Variants in EXOC6B observed in about 807,000 individuals in gnomAD.
The protein encoded by EXOC6B is SEC15 homolog B.
EXOC6B carries 54 observed loss-of-function variants against 113.5 expected under a neutral mutation model. That is an observed-to-expected ratio of 0.48 (90% CI 0.38 to 0.60). EXOC6B has a LOEUF of 0.60. EXOC6B is among the 20% of genes least tolerant of loss of function. The pLI is 0.00. For synonymous variants in EXOC6B, 357 were observed against 339.0 expected, an observed-to-expected ratio of 1.05 and a Z score of -0.58; for missense variants, 797 against 977.5, an observed-to-expected ratio of 0.82 and a Z score of 2.46.
At chr2:72,734,425 C>A (rs888323614) in intron 2 of EXOC6B, among the ~76,000 whole-genome samples, 3 of 152,168 alleles carry the variant, frequency 2.0e-5, no homozygotes, top group Non-Finnish European at 4.4e-5. Context: ...AAATGCACAT[C>A]TAAGACAATG....
intron 21 of EXOC6B, chr2:72,182,746 T>G: frequency 4.2e-6 from 2 of 478,000 alleles, no homozygotes; most frequent in Non-Finnish European, 6.7e-6. Context: ...GCCAGCCAGT[T>G]GGCACCAGGC....
intron 20 of EXOC6B, among the ~76,000 whole-genome samples, chr2:72,243,710 T>C (rs368648491): frequency 3.9e-5 from 6 of 152,096 alleles, no homozygotes; most frequent in Non-Finnish European, 7.4e-5. Context: ...ACCTGCACAT[T>C]GTGCACATGT....
chr2:72,294,811 A>G lies in EXOC6B; in HGVS notation c.2196+40136T>C, dbSNP rs76942001. Reference sequence around the variant, plus strand: ...AAGAATAAAAGACAATCTATTCCACACTTCTTCTCATTTCCCAATCTGATT... The same window carrying G: ...AAGAATAAAAGACAATCTATTCCACGCTTCTTCTCATTTCCCAATCTGATT... On this transcript the variant is annotated intron_variant, in intron 20 of 21. Transcript: ENST00000272427. Among the ~76,000 whole-genome samples the G allele has an allele frequency of 6.4e-4, 97 of 152,220 alleles. No homozygotes were observed. The East Asian group carries it at 8.3e-3, about 13-fold the overall frequency.
At chr2:72,631,451 TATATATATATAGAGAGAGAG>T (rs1672432701) in intron 6 of EXOC6B, among the ~76,000 whole-genome samples, 12 of 46,002 alleles carry the variant, frequency 2.6e-4, no homozygotes, top group African/African-American at 7.8e-4. Context: ...TATATATATA[TATATATATATAGAGAGAGAG>T]AGAGAGAGAG....
At chr2:72,180,680 CT>C (rs1218264085) in intron 21 of EXOC6B, among the ~76,000 whole-genome samples, 1 of 152,154 alleles carries the variant, frequency 6.6e-6, no homozygotes, top group African/African-American at 2.4e-5. Flanking sequence ...TCCCAGGGGA[CT>C]TTGGGCCAAT....
intron 5 of EXOC6B, among the ~76,000 whole-genome samples, chr2:72,723,728 A>C (rs1294177632): frequency 6.7e-6 from 1 of 150,226 alleles, no homozygotes; most frequent in Non-Finnish European, 1.5e-5. Context: ...TAGAAAAATC[A>C]GTATTTATAG....
intron 1 of EXOC6B, among the ~76,000 whole-genome samples, chr2:72,769,077 G>A (rs1378467307): frequency 1.3e-5 from 2 of 152,140 alleles, no homozygotes; most frequent in Admixed American, 1.3e-4. Context: ...CCACTGAACT[G>A]TACACTTAAA....
intron 21 of EXOC6B, among the ~76,000 whole-genome samples, chr2:72,183,841 T>C (rs965243413): frequency 3.9e-5 from 6 of 152,040 alleles, no homozygotes; most frequent in African/African-American, 1.5e-4. Flanking sequence ...CAGAATCCAA[T>C]TCTGATCCAT....
intron 16 of EXOC6B, among the ~76,000 whole-genome samples, chr2:72,487,507 C>T (rs1699493736): frequency 6.6e-6 from 1 of 152,060 alleles, no homozygotes; most frequent in Non-Finnish European, 1.5e-5. Context: ...ATCACAGGCA[C>T]GTGCCACCAT....
intron 6 of EXOC6B, among the ~76,000 whole-genome samples, chr2:72,639,606 T>C (rs1048764178): frequency 3.9e-5 from 6 of 152,178 alleles, no homozygotes; most frequent in African/African-American, 1.4e-4. Flanking sequence ...TGACACCACT[T>C]ATCACAGTGT....
intron 20 of EXOC6B, among the ~76,000 whole-genome samples, chr2:72,203,567 G>T (rs1679629764): frequency 6.6e-6 from 1 of 152,104 alleles, no homozygotes; most frequent in Non-Finnish European, 1.5e-5. Context: ...CAACTAAAAT[G>T]GTCCTATATT....
chr2:72,289,554 T>C (rs930128175), intron 20 of EXOC6B, among the ~76,000 whole-genome samples: 4 of 152,160 alleles, frequency 2.6e-5, no homozygotes, highest in African/African-American at 9.7e-5. Flanking sequence ...TGTATGTGTG[T>C]GTGTATTTTT....
At chr2:72,749,432 T>C (rs1681903170) in intron 1 of EXOC6B, among the ~76,000 whole-genome samples, 1 of 152,074 alleles carries the variant, frequency 6.6e-6, no homozygotes, top group Admixed American at 6.6e-5. Flanking sequence ...TCTTCCAGAT[T>C]CTTTACAAAA....
At chr2:72,536,325 G>T (rs1268623372) in intron 8 of EXOC6B, among the ~76,000 whole-genome samples, 1 of 151,972 alleles carries the variant, frequency 6.6e-6, no homozygotes, top group Non-Finnish European at 1.5e-5. Context: ...AAATGAGATT[G>T]TACTGTCAAC....
intron 8 of EXOC6B, among the ~76,000 whole-genome samples, chr2:72,541,312 A>T (rs1375883466): frequency 6.6e-6 from 1 of 152,160 alleles, no homozygotes; most frequent in Non-Finnish European, 1.5e-5. Flanking sequence ...GTCTTGGGTT[A>T]TGTCTTTATC....
chr2:72,403,744 C>G lies in EXOC6B; in HGVS notation c.1981-23874G>C, dbSNP rs547527721. ...AACTTAAAAATAGAGCCAAGATGGC[C>G]AAATAGGAACAGCTCCAGTCTACAG... On this transcript the variant is annotated intron_variant, in intron 18 of 21. Coordinates refer to ENST00000272427, the MANE Select transcript of EXOC6B (RefSeq NM_015189.3). Among the ~76,000 whole-genome samples the G allele has an allele frequency of 2.0e-3, 301 of 152,130 alleles. 3 individuals carry two copies. The highest frequency in any genetic ancestry group is 1.4e-3 in the Non-Finnish European group (97 of 67,984).
chr2:72,480,147 T>A (rs909297082), intron 17 of EXOC6B, among the ~76,000 whole-genome samples: 6 of 151,338 alleles, frequency 4.0e-5, no homozygotes, highest in Non-Finnish European at 1.5e-5. Context: ...GGGGTTGCGG[T>A]GAGCCAAGAT....
At chr2:72,403,725 A>G (rs1209619842) in intron 18 of EXOC6B, among the ~76,000 whole-genome samples, 2 of 152,050 alleles carry the variant, frequency 1.3e-5, no homozygotes, top group Non-Finnish European at 2.9e-5. Context: ...AAAAAACTTA[A>G]AAATAGAGCC....
chr2:72,559,949 T>C (rs189704650), intron 7 of EXOC6B, among the ~76,000 whole-genome samples: 196 of 152,268 alleles, frequency 1.3e-3, no homozygotes, highest in African/African-American at 4.6e-3. Context: ...TGCCACACAA[T>C]ATGAATCACG....
Sources: allele counts gnomAD v4.1 joint callset (sites outside exome capture counted in the v4.1 genomes callset), GRCh38; gene constraint gnomAD v4.1.1; transcripts MANE v1.5; gene names NCBI Gene and HGNC (gene_info 2026-07-23, HGNC 2026-07-21).